The following ATAD2B variants were observed in gnomAD, a reference collection of about 807,000 sequenced individuals.
ATAD2B encodes ATPase family AAA domain containing 2B, also known as ATPase family AAA domain-containing protein 2B.
ATAD2B carries 40 observed loss-of-function variants against 167.6 expected under a neutral mutation model. The observed-to-expected ratio is 0.24, with a 90% CI of 0.19 to 0.31. ATAD2B has a LOEUF of 0.31. ATAD2B is among the 10% of genes least tolerant of loss of function. The pLI is 1.00. For synonymous variants in ATAD2B, 579 were observed against 596.5 expected, an observed-to-expected ratio of 0.97 and a Z score of 0.43; for missense variants, 1,242 against 1,757.2, an observed-to-expected ratio of 0.71 and a Z score of 5.24.
At chr2:23,687,227 G>A in the ATAD2B span, among the ~76,000 whole-genome samples, 1 of 152,168 alleles carries the variant, frequency 6.6e-6, no homozygotes, top group Non-Finnish European at 1.5e-5. Context: ...AGACCTCCGT[G>A]GGGATCAACA....
intron 13 of ATAD2B, among the ~76,000 whole-genome samples, chr2:23,835,920 G>A (rs1192888508): frequency 6.0e-5 from 9 of 150,530 alleles, no homozygotes; most frequent in Non-Finnish European, 1.5e-5. Flanking sequence ...TGGGTGACAA[G>A]AGCGAAACTC....
intron 18 of ATAD2B, among the ~76,000 whole-genome samples, chr2:23,801,545 C>T (rs1009908496): frequency 4.6e-5 from 7 of 151,752 alleles, no homozygotes; most frequent in Admixed American, 2.0e-4. Flanking sequence ...CTGAACCAAC[C>T]GTTTCAAAAT....
chr2:23,742,350 T>C, the ATAD2B span, among the ~76,000 whole-genome samples: 1 of 149,182 alleles, frequency 6.7e-6, no homozygotes, highest in Middle Eastern at 3.4e-3. Flanking sequence ...GTGGCACATA[T>C]ACACCATGGA....
At chr2:23,894,562 G>C (rs1337121841) in intron 2 of ATAD2B, among the ~76,000 whole-genome samples, 1 of 151,706 alleles carries the variant, frequency 6.6e-6, no homozygotes, top group African/African-American at 2.4e-5. Flanking sequence ...TATATTACTT[G>C]CACTTGAATA....
intron 22 of ATAD2B, among the ~76,000 whole-genome samples, chr2:23,776,306 A>C (rs1454559527): frequency 6.6e-6 from 1 of 152,134 alleles, no homozygotes; most frequent in Non-Finnish European, 1.5e-5. Flanking sequence ...ACCATATTTA[A>C]ATGGTTGGTC....
At chr2:23,788,215 G>A in intron 20 of ATAD2B, 1 of 307,452 alleles carries the variant, frequency 3.3e-6, no homozygotes, top group Non-Finnish European at 6.1e-6. Context: ...GACTAAAACA[G>A]AGGAGAACTG....
intron 17 of ATAD2B, 117 bp from the exon 18 acceptor site, chr2:23,810,619 T>C (rs1685407660): frequency 1.3e-6 from 1 of 778,070 alleles, no homozygotes; most frequent in African/African-American, 1.8e-5. Context: ...AGAACTTTCC[T>C]ATATTATTTT....
intron 26 of ATAD2B, 123 bp from the exon 27 acceptor site, chr2:23,754,430 A>G: frequency 8.2e-7 from 1 of 1,216,482 alleles, no homozygotes; most frequent in Non-Finnish European, 1.1e-6. Flanking sequence ...CATGAAATTA[A>G]AAGATTTGAG....
intron 12 of ATAD2B, among the ~76,000 whole-genome samples, chr2:23,860,847 C>T (rs982041537): frequency 6.6e-6 from 1 of 152,062 alleles, no homozygotes; most frequent in Non-Finnish European, 1.5e-5. Flanking sequence ...GGCAGGTGCC[C>T]ATAATCCCAG....
rs1698898863 is a variant in ATAD2B, at chr2:23,887,707, CT to C, written c.572+124del. Reference sequence around the variant, plus strand: ...TGTTGAACTGACCCACCACACCCAGCTTCAAGTTAAGTTTTTAAAGAACTGT... The same window carrying C: ...TGTTGAACTGACCCACCACACCCAGCTCAAGTTAAGTTTTTAAAGAACTGT... On this transcript the variant is annotated intron_variant, in intron 4 of 27. Coordinates refer to ENST00000238789, the MANE Select transcript of ATAD2B (RefSeq NM_017552.4). The C allele has an allele frequency of 9.8e-6, 8 of 815,728 alleles. No homozygotes were observed. In the East Asian group the frequency reaches 2.3e-4, roughly 24 times the overall value. 50.5% of individuals were successfully genotyped at this position (815,728 alleles called of 1,614,324 possible).
intron 22 of ATAD2B, among the ~76,000 whole-genome samples, chr2:23,768,462 T>G (rs1478970506): frequency 6.6e-6 from 1 of 152,040 alleles, no homozygotes; most frequent in Non-Finnish European, 1.5e-5. Context: ...TCCCAACTAC[T>G]TGAGAAGCTG....
intron 22 of ATAD2B, among the ~76,000 whole-genome samples, chr2:23,774,757 G>A (rs12617826): frequency 0.12 from 18,209 of 152,042 alleles, 1,165 homozygotes; most frequent in Middle Eastern, 0.21. Context: ...AAAATTAGCC[G>A]GACATGGTGG....
chr2:23,833,873 T>A, intron 14 of ATAD2B, 46 bp downstream of exon 14: 1 of 1,435,504 alleles, frequency 7.0e-7, no homozygotes. Flanking sequence ...TGCCTTATAG[T>A]AGAATTACAT....
At chr2:23,847,441 G>T (rs1691836192) in intron 13 of ATAD2B, among the ~76,000 whole-genome samples, 1 of 152,010 alleles carries the variant, frequency 6.6e-6, no homozygotes, top group Non-Finnish European at 1.5e-5. Context: ...GGAGGCGGAG[G>T]TTGCCATGAG....
At chr2:23,898,198 C>T (rs926118023) in intron 1 of ATAD2B, among the ~76,000 whole-genome samples, 17 of 152,330 alleles carry the variant, frequency 1.1e-4, no homozygotes, top group African/African-American at 3.6e-4. Context: ...CCACCTCAGC[C>T]TCTCAAAGTG....
chr2:23,869,676 T>C lies in ATAD2B; in HGVS notation c.1063A>G (p.Arg355Gly), dbSNP rs775550833. 1.2e-5 allele frequency: 18 copies of C among 1,562,936 alleles called. No individual in the cohort carries two copies. The South Asian group carries it at 2.0e-4, about 17-fold the overall frequency. Residue 355 changes from arginine (R) to glycine (G), a missense_variant, in exon 9 of 28, where the codon AGA becomes GGA. Around this residue, in one of 9 missense-constraint regions of ATAD2B, gnomAD observed 127 missense variants for 146.3 expected, o/e 0.87. Coordinates refer to ENST00000238789, the MANE Select transcript of ATAD2B (RefSeq NM_017552.4). ...FERRKSKSMA[R>G]ARNRCLPMNF... ...AATTTTACTAACCTATTTCTTGCTC[T>C]TGCCATGCTCTTTGATTTCCTTCTT...
At chr2:23,861,117 T>G (rs886768487) in intron 12 of ATAD2B, among the ~76,000 whole-genome samples, 9 of 151,024 alleles carry the variant, frequency 6.0e-5, no homozygotes, top group African/African-American at 2.2e-4. Flanking sequence ...TTTATATACA[T>G]GAAACAAACA....
chr2:23,804,111 C>T (rs886390382), intron 18 of ATAD2B, among the ~76,000 whole-genome samples: 1 of 152,202 alleles, frequency 6.6e-6, no homozygotes, highest in African/African-American at 2.4e-5. Flanking sequence ...CAGCACCTGA[C>T]TCATGCACTC....
At chr2:23,769,302 G>T (rs1425471619) in intron 22 of ATAD2B, among the ~76,000 whole-genome samples, 1 of 152,216 alleles carries the variant, frequency 6.6e-6, no homozygotes, top group Admixed American at 6.5e-5. Context: ...TTAGCCGGGC[G>T]TGGAGGCAGG....
Sources: gnomAD v4.1 joint callset for allele counts (sites outside exome capture counted in the v4.1 genomes callset) on GRCh38, gnomAD v4.1.1 for gene constraint, gnomAD v4.1.1 regional missense constraint, MANE v1.5 for transcripts, NCBI Gene and HGNC (gene_info 2026-07-23, HGNC 2026-07-21) for gene names.